WWOX: variants seen among roughly 807,000 people sequenced by gnomAD.
The protein encoded by WWOX is WW domain-containing oxidoreductase.
In WWOX, 69 loss-of-function variants were observed where a neutral mutation model predicts 46.2. The observed-to-expected ratio is 1.49, with a 90% CI of 1.23 to 1.82. The LOEUF (loss-of-function observed/expected upper bound fraction) is 1.82, where lower values mean the gene tolerates loss of function less well. Ranked by LOEUF, WWOX falls within the 40% of genes most tolerant of loss-of-function variation. The pLI is 0.00. For missense variants in WWOX, 919 were observed against 542.6 expected (o/e 1.69, Z -6.89); for synonymous variants, 359 against 202.6 (o/e 1.77, Z -6.56).
intron 8 of WWOX, among the ~76,000 whole-genome samples, chr16:78,666,702 CA>C (rs2047340195): frequency 6.6e-6 from 1 of 152,318 alleles, no homozygotes; most frequent in African/African-American, 2.4e-5. Flanking sequence ...TCCATTAATT[CA>C]GGGGGGATTT....
At chr16:78,264,567 C>T (rs1254958792) in intron 5 of WWOX, 1 of 152,196 alleles carries the variant, frequency 6.6e-6, no homozygotes. Flanking sequence ...AAATCACTTC[C>T]ATCACGTATA....
intron 8 of WWOX, among the ~76,000 whole-genome samples, chr16:78,508,563 A>G (rs2085275742): frequency 6.6e-6 from 1 of 152,140 alleles, no homozygotes; most frequent in African/African-American, 2.4e-5. Context: ...CCCTATTCTT[A>G]GGTTTTATTT....
intron 8 of WWOX, among the ~76,000 whole-genome samples, chr16:78,933,126 C>T (rs979683395): frequency 2.4e-4 from 36 of 152,188 alleles, no homozygotes; most frequent in Non-Finnish European, 5.9e-5. Context: ...ATAGGAGACT[C>T]TTTGAACACT....
intron 8 of WWOX, among the ~76,000 whole-genome samples, chr16:78,546,681 G>A (rs1477718402): frequency 1.3e-5 from 2 of 152,168 alleles, no homozygotes; most frequent in Non-Finnish European, 2.9e-5. Flanking sequence ...TGGGGTCTAG[G>A]AATCAGTGTG....
intron 5 of WWOX, among the ~76,000 whole-genome samples, chr16:78,251,260 A>G (rs1321057172): frequency 6.6e-6 from 1 of 152,148 alleles, no homozygotes; most frequent in East Asian, 1.9e-4. Flanking sequence ...GTCGTATTTC[A>G]TGGTGCCTCA....
At chr16:78,389,832 C>A (rs55797137) in intron 6 of WWOX, among the ~76,000 whole-genome samples, 1 of 152,114 alleles carries the variant, frequency 6.6e-6, no homozygotes, top group East Asian at 1.9e-4. Context: ...TTCATTGCAA[C>A]CTCTGGCCTT....
At chr16:78,534,595 G>A (rs1034319057) in intron 8 of WWOX, 2 of 152,154 alleles carry the variant, frequency 1.3e-5, no homozygotes, top group Admixed American at 6.5e-5. Flanking sequence ...TGAAATATAG[G>A]GAAGATGGCC....
intron 8 of WWOX, among the ~76,000 whole-genome samples, chr16:78,687,160 G>A (rs1478666875): frequency 6.6e-6 from 1 of 152,004 alleles, no homozygotes; most frequent in Non-Finnish European, 1.5e-5. Flanking sequence ...AATTAGCAGT[G>A]TTTCATATTT....
chr16:78,370,439 G>A (rs945023550), intron 5 of WWOX, among the ~76,000 whole-genome samples: 1 of 151,994 alleles, frequency 6.6e-6, no homozygotes, highest in Non-Finnish European at 1.5e-5. Flanking sequence ...GTTTACATTG[G>A]GAAAGGGAAA....
At chr16:78,923,764 G>C (rs1001177181) in intron 8 of WWOX, among the ~76,000 whole-genome samples, 2 of 150,256 alleles carry the variant, frequency 1.3e-5, no homozygotes, top group Non-Finnish European at 3.0e-5. Flanking sequence ...GTGATGATCT[G>C]GGTTGATTGC....
At chr16:78,835,443 A>G (rs574430483) in intron 8 of WWOX, among the ~76,000 whole-genome samples, 13 of 152,338 alleles carry the variant, frequency 8.5e-5, no homozygotes, top group South Asian at 4.1e-4. Context: ...CAATGTTACA[A>G]GCGCCCATGA....
At chr16:78,122,498 T>G (rs1223268409) in intron 4 of WWOX, among the ~76,000 whole-genome samples, 1 of 152,222 alleles carries the variant, frequency 6.6e-6, no homozygotes, top group African/African-American at 2.4e-5. Flanking sequence ...GCTTGAAAAC[T>G]TGGAAATTGT....
At chr16:78,767,202 C>G (rs1244616037) in intron 8 of WWOX, among the ~76,000 whole-genome samples, 1 of 151,916 alleles carries the variant, frequency 6.6e-6, no homozygotes, top group Non-Finnish European at 1.5e-5. Context: ...CTCACTGCAG[C>G]CTTGACTTCC....
intron 8 of WWOX, among the ~76,000 whole-genome samples, chr16:78,936,191 A>G (rs767752463): frequency 2.0e-5 from 3 of 152,192 alleles, no homozygotes; most frequent in Non-Finnish European, 4.4e-5. Flanking sequence ...AGAAGATGCA[A>G]TAGGCAAAGG....
chr16:78,612,184 T>G (rs1307796306), intron 8 of WWOX, among the ~76,000 whole-genome samples: 1 of 152,242 alleles, frequency 6.6e-6, no homozygotes, highest in Non-Finnish European at 1.5e-5. Context: ...TGGAGAGCAC[T>G]GTTTCCCAAG....
intron 8 of WWOX, among the ~76,000 whole-genome samples, chr16:78,889,924 T>A (rs909259060): frequency 6.6e-6 from 1 of 152,186 alleles, no homozygotes; most frequent in Admixed American, 6.5e-5. Flanking sequence ...TCACCCAAAT[T>A]GTTGGTATTA....
intron 8 of WWOX, among the ~76,000 whole-genome samples, chr16:79,140,839 T>C (rs1469762260): frequency 6.6e-6 from 1 of 152,212 alleles, no homozygotes; most frequent in African/African-American, 2.4e-5. Context: ...GAGAGTCTTC[T>C]TGTCACTCAA....
intron 8 of WWOX, among the ~76,000 whole-genome samples, chr16:78,909,775 G>T (rs969066164): frequency 6.6e-6 from 1 of 152,284 alleles, no homozygotes; most frequent in East Asian, 1.9e-4. Context: ...CGTCAACTTA[G>T]TCCAAATGTA....
At position 79,113,994 on chromosome 16, in the gene WWOX, G is replaced by A. The variant is rs182483112; in HGVS notation, c.1057-97614G>A. Among the ~76,000 whole-genome samples, 8 of 152,298 alleles carry A rather than the reference G, an allele frequency of 5.3e-5. No individual in the cohort carries two copies. The East Asian group carries it at 5.8e-4, about 11-fold the overall frequency. On this transcript the variant is annotated intron_variant, in intron 8 of 8. Coordinates refer to ENST00000566780, the MANE Select transcript of WWOX (RefSeq NM_016373.4). ...CATGTCTATGTCTGGCGATGTGCTCGCATGGCACATGATCCTGTTTGACTT... is the reference window on the plus strand; with the variant it reads ...CATGTCTATGTCTGGCGATGTGCTCACATGGCACATGATCCTGTTTGACTT...
Sources: allele counts gnomAD v4.1 joint callset (sites outside exome capture counted in the v4.1 genomes callset), GRCh38; gene constraint gnomAD v4.1.1; transcripts MANE v1.5; gene names NCBI Gene and HGNC (gene_info 2026-07-23, HGNC 2026-07-21).